AQR: variants seen among roughly 807,000 people sequenced by gnomAD.
AQR encodes the protein aquarius intron-binding spliceosomal factor, also known as RNA helicase aquarius.
In AQR, 61 loss-of-function variants were observed where a neutral mutation model predicts 180.5. That is an observed-to-expected ratio of 0.34 (90% confidence interval 0.28 to 0.42). The LOEUF (loss-of-function observed/expected upper bound fraction) is 0.42. Ranked by LOEUF, AQR falls within the 10% of genes least tolerant of loss-of-function variation. The probability of loss-of-function intolerance (pLI) is 1.00; values close to 1 mark genes in which losing one functional copy is unlikely to be tolerated. For missense variants in AQR, 1,281 were observed against 1,798.3 expected (o/e 0.71, Z 5.20); for synonymous variants, 551 against 588.8 (o/e 0.94, Z 0.93).
chr15:34,878,976 T>C (rs969162927), intron 27 of AQR, among the ~76,000 whole-genome samples: 1 of 151,258 alleles, frequency 6.6e-6, no homozygotes, highest in Non-Finnish European at 1.5e-5. Flanking sequence ...TGAAGTGAGC[T>C]GAGATTGCGC....
rs1893186593 is a variant in AQR, at chr15:34,893,640, C to CAT, written c.2571+22_2571+23insAT. The CAT allele has an allele frequency of 7.0e-6, 11 of 1,577,482 alleles. No homozygotes were observed. The African/African-American group carries it at 1.4e-4, about 20-fold the overall frequency. ...ACACACACACACACACACACACACA[C>CAT]ACACACACACACAGTCATTTACCTG... On this transcript the variant is annotated intron_variant, in intron 23 of 34. Transcript: ENST00000156471.
chr15:34,903,077 T>C (rs779727747), intron 19 of AQR, among the ~76,000 whole-genome samples: 4 of 152,050 alleles, frequency 2.6e-5, no homozygotes, highest in South Asian at 2.1e-4. Context: ...GGAGGTGACA[T>C]TGAAAAACAG....
chr15:34,946,491 G>C, intron 5 of AQR, among the ~76,000 whole-genome samples: 1 of 132,070 alleles, frequency 7.6e-6, no homozygotes, highest in East Asian at 2.4e-4. Context: ...GGGGGGGTCA[G>C]CCCCCCGCCC....
At chr15:34,937,468 T>C (rs1478484650) in intron 9 of AQR, among the ~76,000 whole-genome samples, 1 of 152,262 alleles carries the variant, frequency 6.6e-6, no homozygotes, top group African/African-American at 2.4e-5. Flanking sequence ...TCAGCATTTA[T>C]AACTCATTCC....
In AQR at chr15:34,900,648, G is replaced by A. The variant is rs1242985630; in HGVS notation, c.2217C>T (p.Asp739=). Residue 739 remains aspartate, a synonymous_variant, in exon 20 of 35, where the codon GAC becomes GAT. Coordinates refer to ENST00000156471, the MANE Select transcript of AQR (RefSeq NM_014691.3). ...TGAAAGGGGGTATTTGTAGAGCAGGGTCTTCTACAGTTACTTTAACATTAT... is the reference window on the plus strand; with the variant it reads ...TGAAAGGGGGTATTTGTAGAGCAGGATCTTCTACAGTTACTTTAACATTAT... ...PGHNVKVTVE[D]PALQIPPFRI... 6.2e-7 allele frequency: 1 copy of A among 1,614,100 alleles called. No individual in the cohort carries two copies. Among genetic ancestry groups the A allele is most frequent in the Non-Finnish European group, 8.5e-7 (1 of 1,179,956 alleles).
At chr15:34,907,664 CTT>C (rs899042865) in intron 17 of AQR, among the ~76,000 whole-genome samples, 7 of 152,198 alleles carry the variant, frequency 4.6e-5, no homozygotes, top group Non-Finnish European at 1.0e-4. Context: ...ATAATACTGA[CTT>C]AATTATTTCC....
intron 32 of AQR, among the ~76,000 whole-genome samples, chr15:34,865,193 C>T (rs1892724244): frequency 6.6e-6 from 1 of 152,164 alleles, no homozygotes; most frequent in South Asian, 2.1e-4. Flanking sequence ...ACAACGCCAA[C>T]ACTCTGATAG....
intron 9 of AQR, among the ~76,000 whole-genome samples, chr15:34,936,320 T>C (rs1893943575): frequency 6.6e-6 from 1 of 152,170 alleles, no homozygotes; most frequent in South Asian, 2.1e-4. Flanking sequence ...TACACAACCA[T>C]CTATCTTCAT....
At chr15:34,886,874 A>C (rs1893067701) in intron 24 of AQR, among the ~76,000 whole-genome samples, 3 of 152,238 alleles carry the variant, frequency 2.0e-5, no homozygotes, top group Admixed American at 2.0e-4. Flanking sequence ...CTGTAATCCC[A>C]ACACTTCGGG....
chr15:34,945,697 T>C (rs1185080706), intron 5 of AQR, among the ~76,000 whole-genome samples: 1 of 152,250 alleles, frequency 6.6e-6, no homozygotes, highest in African/African-American at 2.4e-5. Flanking sequence ...ATTTAATGAA[T>C]ATTTGAGATA....
intron 2 of AQR, among the ~76,000 whole-genome samples, chr15:34,961,545 G>A (rs1316899347): frequency 6.7e-6 from 1 of 148,552 alleles, no homozygotes; most frequent in Admixed American, 6.9e-5. Context: ...GGGAGGCGGA[G>A]GTTGCAGTGA....
At chr15:34,898,870 C>CAA (rs1893288226) in intron 20 of AQR, among the ~76,000 whole-genome samples, 2 of 135,746 alleles carry the variant, frequency 1.5e-5, no homozygotes, top group South Asian at 2.5e-4. Context: ...GGTGACAGAG[C>CAA]GAAAAAACTA....
At chr15:34,878,308 C>T (rs1185442470) in intron 27 of AQR, among the ~76,000 whole-genome samples, 1 of 149,438 alleles carries the variant, frequency 6.7e-6, no homozygotes, top group South Asian at 2.1e-4. Flanking sequence ...AGTGTTTGAA[C>T]CCAAGAGGCA....
At chr15:34,900,942 T>G in intron 19 of AQR, 79 bp from the exon 20 acceptor site, 3 of 1,492,874 alleles carry the variant, frequency 2.0e-6, no homozygotes, top group Non-Finnish European at 8.9e-7. Flanking sequence ...CAGAGCTGGC[T>G]GCACTAATCC....
At position 34,855,452 on chromosome 15, in the gene AQR, T is replaced by C. The variant is rs554407893; in HGVS notation, c.*1340A>G. 3 of 152,152 alleles carry C rather than the reference T, an allele frequency of 2.0e-5. No homozygotes were observed. The highest frequency in any genetic ancestry group is 2.9e-5 in the Non-Finnish European group (2 of 68,028). 9.4% of individuals were successfully genotyped at this position (152,152 alleles called of 1,614,324 possible). A position where few individuals can be genotyped will look rare whatever the true frequency, so the allele number is the denominator to read the frequency against. On this transcript the variant is annotated 3_prime_UTR_variant, in exon 35 of 35. Transcript: ENST00000156471. ...GGTAAATGCTCCCCTCCCCTTTAGA[T>C]ACTCTAGCAGATGATCAAAATGGGA... is the stretch of plus-strand genomic sequence containing the variant.
At chr15:34,941,105 G>A in intron 7 of AQR, 106 bp from the exon 8 acceptor site, 2 of 651,270 alleles carry the variant, frequency 3.1e-6, no homozygotes, top group Non-Finnish European at 5.0e-6. Context: ...ACAAAATAGA[G>A]CAATCTGATA....
Position 34,932,452 on chromosome 15 carries a change from C to A in AQR, c.784-18G>T, listed in dbSNP as rs1347942336. ...AGCAGGGCCTGGGAAAAACAAACATCATAACAGTAAGTTTGCATCTATTCT... is the reference window on the plus strand; with the variant it reads ...AGCAGGGCCTGGGAAAAACAAACATAATAACAGTAAGTTTGCATCTATTCT... On this transcript the variant is annotated intron_variant, in intron 10 of 34. Transcript: ENST00000156471. 4.0e-6 allele frequency: 6 copies of A among 1,509,088 alleles called. No homozygotes were observed. The African/African-American group carries it at 7.0e-5, about 18-fold the overall frequency. 93.5% of individuals were successfully genotyped at this position (1,509,088 alleles called of 1,614,324 possible). A position where few individuals can be genotyped will look rare whatever the true frequency, so the allele number is the denominator to read the frequency against.
chr15:34,925,682 A>G (rs957547008), intron 13 of AQR, among the ~76,000 whole-genome samples: 1 of 152,106 alleles, frequency 6.6e-6, no homozygotes, highest in Admixed American at 6.6e-5. Flanking sequence ...TGCTACTAAA[A>G]ATTAGCTGGG....
At chr15:34,877,551 C>T (rs1892905801) in intron 27 of AQR, among the ~76,000 whole-genome samples, 1 of 152,002 alleles carries the variant, frequency 6.6e-6, no homozygotes, top group African/African-American at 2.4e-5. Flanking sequence ...CTAAGAAGTC[C>T]CTGTGTAGAC....
Sources: gnomAD v4.1 joint callset for allele counts (sites outside exome capture counted in the v4.1 genomes callset) on GRCh38, gnomAD v4.1.1 for gene constraint, MANE v1.5 for transcripts, NCBI Gene and HGNC (gene_info 2026-07-23, HGNC 2026-07-21) for gene names.